Variants in PPP2R5C observed in about 807,000 individuals in gnomAD.
PPP2R5C encodes the protein serine/threonine-protein phosphatase 2A 56 kDa regulatory subunit gamma isoform.
A neutral mutation model predicts 68.9 loss-of-function variants in PPP2R5C; 7 were observed. The observed-to-expected ratio is 0.10, with a 90% CI of 0.06 to 0.19. The LOEUF (loss-of-function observed/expected upper bound fraction) is 0.19. PPP2R5C is among the 10% of genes least tolerant of loss of function. The pLI is 1.00. For synonymous variants in PPP2R5C, 210 were observed against 222.2 expected, an observed-to-expected ratio of 0.95 and a Z score of 0.49; for missense variants, 348 against 641.3, an observed-to-expected ratio of 0.54 and a Z score of 4.94.
exon 14 of PPP2R5C, chr14:101,925,449 T>A: frequency 8.7e-7 from 1 of 1,147,606 alleles, no homozygotes; most frequent in East Asian, 2.8e-5. Flanking sequence ...AATGGTGACT[T>A]CCCAGAGCCC....
exon 14 of PPP2R5C, chr14:101,925,294 G>GCCGGGC: frequency 1.2e-6 from 2 of 1,609,332 alleles, no homozygotes; most frequent in Non-Finnish European, 8.5e-7. Context: ...CCGCGTCGGG[G>GCCGGGC]CCGGGCCCGC....
rs150738249 is a variant in PPP2R5C, at chr14:101,835,850, C to T, written c.95-20836C>T. Among the ~76,000 whole-genome samples, 436 of 152,352 alleles carry T rather than the reference C, an allele frequency of 2.9e-3. 3 individuals carry two copies. Among genetic ancestry groups the T allele is most frequent in the Non-Finnish European group, 4.5e-3 (303 of 68,032 alleles). ...CATCAGCACGGTCCCATCTGAGCGT[C>T]GCCTTAACCTCTCTGTAGACCTCTG... is the stretch of plus-strand genomic sequence containing the variant. On this transcript the variant is annotated intron_variant, in intron 1 of 13. Transcript: ENST00000334743. The surrounding 1 kb of genome is among the most constrained non-coding windows in gnomAD (Gnocchi z 5.0).
exon 14 of PPP2R5C, chr14:101,926,047 G>A (rs2047278195): frequency 6.6e-6 from 1 of 152,380 alleles, no homozygotes; most frequent in African/African-American, 2.4e-5. Context: ...TTAAAATTAT[G>A]TGTTAATATT....
chr14:101,832,762 G>C (rs1187335159), intron 1 of PPP2R5C, among the ~76,000 whole-genome samples: 2 of 152,076 alleles, frequency 1.3e-5, no homozygotes, highest in Non-Finnish European at 2.9e-5. Flanking sequence ...ACCCCTCTGT[G>C]TCCTCATCCA....
rs1237680930 is a variant in PPP2R5C at position 101,913,835 on chromosome 14, C to G, written c.1326+1362C>G. On this transcript the variant is annotated intron_variant, in intron 12 of 13. Coordinates refer to ENST00000334743, the Ensembl canonical transcript of PPP2R5C. This position sits in a 1 kb window ranked among gnomAD's most constrained non-coding sequence, Gnocchi z 4.1. ...ATTGTCAAGGACCCCAGTACACATG[C>G]AGTTGAAATCAGTAGCCTCGAAAAC... Among the ~76,000 whole-genome samples, 2 of 152,150 alleles carry G rather than the reference C, an allele frequency of 1.3e-5. No individual in the cohort carries two copies. Among genetic ancestry groups the G allele is most frequent in the African/African-American group, 4.8e-5 (2 of 41,416 alleles).
In PPP2R5C at chr14:101,785,155, G is replaced by C. The variant is rs578112487; in HGVS notation, c.94-863G>C. Among the ~76,000 whole-genome samples, 11 of 152,266 alleles carry C rather than the reference G, an allele frequency of 7.2e-5. No individual in the cohort carries two copies. The South Asian group carries it at 2.3e-3, about 32-fold the overall frequency. Reference sequence around the variant, plus strand: ...GGCAGCAGAACAGCTCCAGCGGAGCGTTTCCTGGGGCTCAAGGGGAGGCAC... The same window carrying C: ...GGCAGCAGAACAGCTCCAGCGGAGCCTTTCCTGGGGCTCAAGGGGAGGCAC... On this transcript the variant is annotated intron_variant, in intron 2 of 14. Coordinates refer to the PPP2R5C transcript ENST00000328724.
intron 1 of PPP2R5C, among the ~76,000 whole-genome samples, chr14:101,828,274 T>C (rs923989948): frequency 6.6e-6 from 1 of 152,038 alleles, no homozygotes; most frequent in Non-Finnish European, 1.5e-5. Context: ...CTTACAGGGA[T>C]GGGGAGTTCT....
chr14:101,826,731 C>G (rs1256036458), intron 1 of PPP2R5C, among the ~76,000 whole-genome samples: 1 of 152,096 alleles, frequency 6.6e-6, no homozygotes, highest in Non-Finnish European at 1.5e-5. Flanking sequence ...AATTCTGTAG[C>G]CTTTCCTGGG....
At chr14:101,861,130 T>G (rs1285302821) in intron 2 of PPP2R5C, among the ~76,000 whole-genome samples, 1 of 152,224 alleles carries the variant, frequency 6.6e-6, no homozygotes, top group Non-Finnish European at 1.5e-5. Context: ...TTTAAAAAAC[T>G]CAATGTAGTA....
At chr14:101,870,475 A>G (rs2043332324) in intron 2 of PPP2R5C, among the ~76,000 whole-genome samples, 1 of 152,088 alleles carries the variant, frequency 6.6e-6, no homozygotes, top group Non-Finnish European at 1.5e-5. Context: ...GCATGTTGTG[A>G]GTCTTCTTCT....
At chr14:101,868,087 A>G (rs2043191813) in intron 2 of PPP2R5C, among the ~76,000 whole-genome samples, 1 of 152,156 alleles carries the variant, frequency 6.6e-6, no homozygotes, top group South Asian at 2.1e-4. Flanking sequence ...TGATATTTAC[A>G]GTGTGTTCTG....
chr14:101,865,074 G>A (rs147938266), intron 2 of PPP2R5C, among the ~76,000 whole-genome samples: 139 of 152,310 alleles, frequency 9.1e-4, no homozygotes, highest in African/African-American at 3.2e-3. Context: ...GAACCAACGC[G>A]CAGGTTTCTG....
intron 3 of PPP2R5C, chr14:101,789,796 G>C (rs2038277741): frequency 6.6e-6 from 1 of 151,968 alleles, no homozygotes; most frequent in South Asian, 2.1e-4. Flanking sequence ...CCGGATTTCA[G>C]AAACAATAAA....
chr14:101,806,804 A>G (rs1413788409), upstream of PPP2R5C, among the ~76,000 whole-genome samples: 1 of 151,908 alleles, frequency 6.6e-6, no homozygotes, highest in Admixed American at 6.6e-5. Context: ...TCTACTGAAA[A>G]TGAAAAAAAT....
chr14:101,778,712 A>G (rs1448423699), intron 2 of PPP2R5C, among the ~76,000 whole-genome samples: 1 of 152,056 alleles, frequency 6.6e-6, no homozygotes, highest in African/African-American at 2.4e-5. Flanking sequence ...ATCAATCTGT[A>G]TGTCTGTCCT....
upstream of PPP2R5C, chr14:101,761,788 G>T: frequency 1.0e-6 from 1 of 971,182 alleles, no homozygotes; most frequent in South Asian, 4.6e-5. Flanking sequence ...CCCGGGCGGC[G>T]GCGGCGGCGG....
chr14:101,869,244 C>T (rs554960660), intron 2 of PPP2R5C, among the ~76,000 whole-genome samples: 1 of 152,318 alleles, frequency 6.6e-6, no homozygotes, highest in East Asian at 1.9e-4. Flanking sequence ...ATGCATTGGA[C>T]ATTCGTCCAT....
chr14:101,917,171 T>C lies in PPP2R5C; in HGVS notation c.1327-660T>C, dbSNP rs2046721764. ...AATGGAGTCAACCAGGCCCAGTGAC[T>C]GAGGGCTGAGCCATCTGTGTTTCAA... On this transcript the variant is annotated intron_variant, in intron 12 of 13. Coordinates refer to ENST00000334743, the Ensembl canonical transcript of PPP2R5C. The surrounding 1 kb of genome is among the most constrained non-coding windows in gnomAD (Gnocchi z 4.4). 6.6e-6 allele frequency among the ~76,000 whole-genome samples: 1 copy of C among 152,132 alleles called. No homozygotes were observed. Among genetic ancestry groups the C allele is most frequent in the Non-Finnish European group, 1.5e-5 (1 of 68,024 alleles).
intron 1 of PPP2R5C, among the ~76,000 whole-genome samples, chr14:101,834,189 C>T (rs8003511): frequency 0.069 from 10,502 of 152,238 alleles, 418 homozygotes; most frequent in Middle Eastern, 0.14. Flanking sequence ...TGTGAAGAGT[C>T]ACCCTGAGAA....
Sources: gnomAD v4.1 joint callset for allele counts (sites outside exome capture counted in the v4.1 genomes callset) on GRCh38, gnomAD v4.1.1 for gene constraint, Gnocchi (gnomAD v3.1) non-coding constraint, MANE v1.5 for transcripts, NCBI Gene and HGNC (gene_info 2026-07-23, HGNC 2026-07-21) for gene names.